Variants in STK11IP observed in about 807,000 individuals in gnomAD.
STK11IP encodes serine/threonine kinase 11 interacting protein.
In STK11IP, 103 loss-of-function variants were observed where a neutral mutation model predicts 131.7. The ratio of observed to expected loss-of-function variants is 0.78; its 90% CI spans 0.67 to 0.92. The LOEUF is 0.92. STK11IP is among the 40% of genes least tolerant of loss of function. The probability of loss-of-function intolerance (pLI) is 0.00; values close to 1 mark genes in which losing one functional copy is unlikely to be tolerated. For synonymous variants in STK11IP, 557 were observed against 575.6 expected, an observed-to-expected ratio of 0.97 and a Z score of 0.46; for missense variants, 1,315 against 1,385.7, an observed-to-expected ratio of 0.95 and a Z score of 0.81.
rs772521158 is a variant in STK11IP at position 219,609,199 on chromosome 2, C to G, written c.1912C>G (p.His638Asp). Residue 638 changes from histidine (H) to aspartate (D), a missense_variant, in exon 16 of 25, where the codon CAC becomes GAC. Coordinates refer to ENST00000456909, the MANE Select transcript of STK11IP (RefSeq NM_052902.4). Reference protein sequence around the residue: ...RRYLVLEPDAHAAVQELLAVL... With the variant: ...RRYLVLEPDADAAVQELLAVL... ...CTATTTGGTGCTGGAGCCTGATGCC[C>G]ACGCAGCTGTCCAGGTGATGGCGCC... 25 of 1,604,376 alleles carry G rather than the reference C, an allele frequency of 1.6e-5. No individual in the cohort carries two copies. Among genetic ancestry groups the G allele is most frequent in the Admixed American group, 3.4e-5 (2 of 58,668 alleles).
In STK11IP at chr2:219,598,170, G is replaced by C; in HGVS notation, c.51G>C (p.Leu17=). The C allele has an allele frequency of 1.9e-6, 3 of 1,562,762 alleles. No homozygotes were observed. Among genetic ancestry groups the C allele is most frequent in the Non-Finnish European group, 2.6e-6 (3 of 1,153,322 alleles). Residue 17 remains leucine, a synonymous_variant, in exon 2 of 25, where the codon CTG becomes CTC. Transcript: ENST00000456909. ...TGTTGTGGAAGCTCGCGGGGTTGCT[G>C]CGGGAGTCCGGTGAGTGGACTTCCG... The part of the protein sequence containing the change: ...DSLLWKLAGL[L]RESGDVVLSG...
rs145503364 is a variant in STK11IP, at chr2:219,611,963, C to T, written c.2344C>T (p.Arg782Cys). Reference sequence around the variant, plus strand: ...CCCCTCATTGCCCTCAGCCCCTGAGCGCTGTGGCCTCCGCTCTGTGGACCA... The same window carrying T: ...CCCCTCATTGCCCTCAGCCCCTGAGTGCTGTGGCCTCCGCTCTGTGGACCA... Reference protein sequence around the residue: ...GSWSLSPPPERCGLRSVDHRL... With the variant: ...GSWSLSPPPECCGLRSVDHRL... Residue 782 changes from arginine (R) to cysteine (C), a missense_variant, in exon 19 of 25, where the codon CGC (arginine) becomes TGC (cysteine). Coordinates refer to ENST00000456909, the MANE Select transcript of STK11IP (RefSeq NM_052902.4). 86 of 1,595,288 alleles carry T rather than the reference C, an allele frequency of 5.4e-5. No homozygotes were observed. The highest frequency in any genetic ancestry group is 2.4e-4 in the Admixed American group (14 of 57,768).
chr2:219,615,456 G>T, intron 24 of STK11IP, 115 bp downstream of exon 24: 1 of 1,373,054 alleles, frequency 7.3e-7, no homozygotes, highest in South Asian at 1.4e-5. Context: ...GTGGCAGGAT[G>T]GCACTTACAG....
chr2:219,610,556 C>T (rs532861331), intron 17 of STK11IP, among the ~76,000 whole-genome samples: 1 of 152,192 alleles, frequency 6.6e-6, no homozygotes, highest in Non-Finnish European at 1.5e-5. Context: ...GCGCCCACCA[C>T]CACACCCAGC....
chr2:219,607,011 A>T, intron 12 of STK11IP, 42 bp from the exon 13 acceptor site: 1 of 1,612,824 alleles, frequency 6.2e-7, no homozygotes, highest in African/African-American at 1.3e-5. Flanking sequence ...GCAGGGCTGG[A>T]GGCTTGGCTT....
intron 23 of STK11IP, 43 bp downstream of exon 23, chr2:219,614,589 C>T: frequency 1.2e-6 from 2 of 1,604,124 alleles, no homozygotes; most frequent in Non-Finnish European, 1.7e-6. Flanking sequence ...TCTCTGTACC[C>T]TACCTTGTCA....
At chr2:219,602,610 G>T in intron 6 of STK11IP, 35 bp downstream of exon 6, 1 of 1,612,222 alleles carries the variant, frequency 6.2e-7, no homozygotes, top group Non-Finnish European at 8.5e-7. Flanking sequence ...TTTCGAGGAA[G>T]GGCAAGGCCA....
intron 7 of STK11IP, among the ~76,000 whole-genome samples, chr2:219,604,823 T>A (rs1324224742): frequency 6.6e-6 from 1 of 151,860 alleles, no homozygotes; most frequent in African/African-American, 2.4e-5. Context: ...GTCAGTGGAC[T>A]TTTTTCCTTT....
chr2:219,602,893 C>A, intron 7 of STK11IP, 117 bp downstream of exon 7: 1 of 988,794 alleles, frequency 1.0e-6, no homozygotes, highest in Non-Finnish European at 1.5e-6. Flanking sequence ...GGTGGAGCTG[C>A]ATTCTGGGAG....
chr2:219,612,692 C>T (rs1698434915), intron 19 of STK11IP, among the ~76,000 whole-genome samples: 1 of 152,152 alleles, frequency 6.6e-6, no homozygotes, highest in Non-Finnish European at 1.5e-5. Context: ...GATGAGGGCA[C>T]CTGGACATGC....
rs1698192942 is a variant in STK11IP at position 219,607,073 on chromosome 2, G to C, written c.1155G>C (p.Arg385=). 6.2e-7 allele frequency: 1 copy of C among 1,613,770 alleles called. No homozygotes were observed. The highest frequency in any genetic ancestry group is 8.5e-7 in the Non-Finnish European group (1 of 1,179,888). ...HKVKSRVRVR[R]ASISEPSDTD... Reference sequence around the variant, plus strand: ...CTCAGAGCCGAGTCCGTGTGAGGCGGGCAAGCATCTCTGAACCCAGTGATA... The same window carrying C: ...CTCAGAGCCGAGTCCGTGTGAGGCGCGCAAGCATCTCTGAACCCAGTGATA... The change falls in exon 13 of 25, where the codon CGG becomes CGC. Residue 385 remains arginine (R), a synonymous_variant. Transcript: ENST00000456909.
In STK11IP at chr2:219,601,637, T is replaced by C. The variant is rs1697987930; in HGVS notation, c.268-4T>C. On this transcript the variant is annotated splice_polypyrimidine_tract_variant and splice_region_variant and intron_variant, in intron 3 of 24. Transcript: ENST00000456909. Reference sequence around the variant, plus strand: ...AGTAAATTGAGTTTTTTTTTTTTTTTCAGCTGGTCCATGTTGCTGGTCCTG... The same window carrying C: ...AGTAAATTGAGTTTTTTTTTTTTTTCCAGCTGGTCCATGTTGCTGGTCCTG... 1 of 1,583,896 alleles carries C rather than the reference T, an allele frequency of 6.3e-7. No homozygotes were observed. Among genetic ancestry groups the C allele is most frequent in the East Asian group, 2.3e-5 (1 of 43,720 alleles).
In STK11IP at chr2:219,616,071, C is replaced by G; in HGVS notation, c.3145C>G (p.Leu1049Val). The G allele has an allele frequency of 6.2e-7, 1 of 1,613,866 alleles. No homozygotes were observed. The highest frequency in any genetic ancestry group is 1.1e-5 in the South Asian group (1 of 91,080). ...EVSRLESFWA[L>V]RVVCQEQLTA... ...GTCCCGGCTGGAGAGCTTTTGGGCA[C>G]TCCGTGTGGTGTGTCAGGAGCAGCT... is the stretch of plus-strand genomic sequence containing the variant. The change falls in exon 25 of 25, where the codon CTC becomes GTC. Residue 1049 changes from leucine (L) to valine (V), a missense_variant. Leu to Val is a conservative substitution (Grantham distance 32, BLOSUM62 1). Coordinates refer to ENST00000456909, the MANE Select transcript of STK11IP (RefSeq NM_052902.4).
In STK11IP at chr2:219,602,582, G is replaced by T; in HGVS notation, c.546+7G>T. On this transcript the variant is annotated splice_region_variant and intron_variant, in intron 6 of 24. Transcript: ENST00000456909. ...CGCCTTAGACAGCTCCCTGGTGAGT[G>T]CCTCAGAGGGAAGAGGGTTTCGAGG... The T allele has an allele frequency of 1.2e-6, 2 of 1,613,402 alleles. No individual in the cohort carries two copies. Among genetic ancestry groups the T allele is most frequent in the Non-Finnish European group, 1.7e-6 (2 of 1,179,332 alleles).
chr2:219,605,669 T>TGG lies in STK11IP; in HGVS notation c.682_683dup (p.Pro229AspfsTer10). 1 of 1,563,958 alleles carries TGG rather than the reference T, an allele frequency of 6.4e-7. No individual in the cohort carries two copies. The highest frequency in any genetic ancestry group is 1.9e-5 in the Admixed American group (1 of 51,892). On this transcript the variant is annotated frameshift_variant, in exon 8 of 25. Transcript: ENST00000456909. LOFTEE classifies it high-confidence loss of function. ...AATCGCCTGCATTTGGTGCCAAGAATGGGACCCTCAGGGGCTGCTCTGGGG... is the reference window on the plus strand; with the variant it reads ...AATCGCCTGCATTTGGTGCCAAGAATGGGGGACCCTCAGGGGCTGCTCTGGGG...
chr2:219,601,727 CG>C lies in STK11IP; in HGVS notation c.342+18del. 1 of 1,590,452 alleles carries C rather than the reference CG, an allele frequency of 6.3e-7. No individual in the cohort carries two copies. The highest frequency in any genetic ancestry group is 8.6e-7 in the Non-Finnish European group (1 of 1,167,422). ...TTCGGCACCTGGAGGTATGGGGACA[CG>C]GGGGGATGTTGGTGCACAGCACCCA... On this transcript the variant is annotated intron_variant, in intron 4 of 24. Coordinates refer to ENST00000456909, the MANE Select transcript of STK11IP (RefSeq NM_052902.4).
intron 17 of STK11IP, among the ~76,000 whole-genome samples, chr2:219,610,398 AT>A (rs11358721): frequency 0.87 from 129,731 of 149,178 alleles, 59,105 homozygotes; most frequent in Non-Finnish European, 1. Context: ...TTCTCCTTTA[AT>A]TTTTTTTTTT....
At position 219,608,769 on chromosome 2, in the gene STK11IP, A is replaced by G. The variant is rs779782994; in HGVS notation, c.1790A>G (p.Gln597Arg). Reference sequence around the variant, plus strand: ...GAGATAGAGCCGGAGGCCCAGGCCCAGAGGTCGCCCAGGCCCACGGTGAGT... The same window carrying G: ...GAGATAGAGCCGGAGGCCCAGGCCCGGAGGTCGCCCAGGCCCACGGTGAGT... ...AAEIEPEAQA[Q>R]RSPRPTGSDL... The change falls in exon 15 of 25, where the codon CAG (glutamine) becomes CGG (arginine). Residue 597 changes from glutamine (Q) to arginine (R), a missense_variant. Transcript: ENST00000456909. The G allele has an allele frequency of 3.4e-5, 55 of 1,607,692 alleles. No homozygotes were observed. Among genetic ancestry groups the G allele is most frequent in the South Asian group, 2.8e-4 (25 of 90,270 alleles).
At chr2:219,606,139 AC>A in intron 9 of STK11IP, 55 bp from the exon 10 acceptor site, 5 of 1,543,224 alleles carry the variant, frequency 3.2e-6, no homozygotes, top group Non-Finnish European at 4.4e-6. Context: ...TGCCTTCTTC[AC>A]ACAGGGAGGG....
Sources: allele counts gnomAD v4.1 joint callset (sites outside exome capture counted in the v4.1 genomes callset), GRCh38; gene constraint gnomAD v4.1.1; transcripts MANE v1.5; gene names NCBI Gene and HGNC (gene_info 2026-07-23, HGNC 2026-07-21).